The following GALNT13 variants were observed in gnomAD, a reference collection of about 807,000 sequenced individuals.
GALNT13 encodes the protein polypeptide N-acetylgalactosaminyltransferase 13.
In GALNT13, 28 loss-of-function variants were observed where a neutral mutation model predicts 64.2. The observed-to-expected ratio is 0.44, with a 90% CI of 0.32 to 0.60. The LOEUF (loss-of-function observed/expected upper bound fraction) is 0.60, where lower values mean the gene tolerates loss of function less well. Among genes scored for constraint, GALNT13 ranks in the 20% least tolerant of loss-of-function variants. The probability of loss-of-function intolerance (pLI) is 0.05; values close to 1 mark genes in which losing one functional copy is unlikely to be tolerated. For missense variants in GALNT13, 577 were observed against 669.8 expected, an observed-to-expected ratio of 0.86 and a Z score of 1.53; for synonymous variants, 214 against 224.6, an observed-to-expected ratio of 0.95 and a Z score of 0.42.
chr2:153,953,231 A>G (rs1000837125), intron 3 of GALNT13, among the ~76,000 whole-genome samples: 8 of 152,174 alleles, frequency 5.3e-5, no homozygotes, highest in African/African-American at 1.2e-4. Flanking sequence ...TGACATATGC[A>G]TAGGAAATGA....
At chr2:153,898,090 T>A (rs1035447029) in intron 1 of GALNT13, among the ~76,000 whole-genome samples, 4 of 152,150 alleles carry the variant, frequency 2.6e-5, no homozygotes, top group African/African-American at 9.6e-5. Flanking sequence ...CTTTACCTTT[T>A]TCACAGTTTT....
At chr2:153,432,789 T>C in the GALNT13 span, among the ~76,000 whole-genome samples, 6 of 152,132 alleles carry the variant, frequency 3.9e-5, no homozygotes, top group Non-Finnish European at 7.4e-5. Flanking sequence ...GAAGATTTAA[T>C]CAACATTATG....
intron 3 of GALNT13, among the ~76,000 whole-genome samples, chr2:154,079,831 C>T (rs1701180039): frequency 1.3e-5 from 2 of 151,610 alleles, no homozygotes; most frequent in Admixed American, 1.3e-4. Context: ...TAATAATCAT[C>T]ATCGAACATA....
the GALNT13 span, among the ~76,000 whole-genome samples, chr2:153,266,477 T>C: frequency 6.6e-6 from 1 of 152,152 alleles, no homozygotes; most frequent in Non-Finnish European, 1.5e-5. Context: ...AAAGGTTTAA[T>C]TGACTCACAG....
At chr2:153,893,638 A>C (rs1478336396) in intron 1 of GALNT13, among the ~76,000 whole-genome samples, 2 of 152,012 alleles carry the variant, frequency 1.3e-5, no homozygotes, top group Non-Finnish European at 1.5e-5. Context: ...TTATTTTAGA[A>C]ATTATTGATA....
At chr2:153,212,820 T>G in the GALNT13 span, among the ~76,000 whole-genome samples, 1 of 152,234 alleles carries the variant, frequency 6.6e-6, no homozygotes, top group Non-Finnish European at 1.5e-5. Flanking sequence ...TTCATTTATT[T>G]ATTTAGATAG....
intron 9 of GALNT13, among the ~76,000 whole-genome samples, chr2:154,325,588 A>C (rs1395836976): frequency 1.3e-5 from 2 of 151,950 alleles, no homozygotes; most frequent in Non-Finnish European, 2.9e-5. Flanking sequence ...TTTTTCTTTT[A>C]ACCTTTTTTC....
chr2:153,701,838 T>C, the GALNT13 span, among the ~76,000 whole-genome samples: 148 of 152,264 alleles, frequency 9.7e-4, no homozygotes, highest in African/African-American at 3.5e-3. Flanking sequence ...CAAAAGATGC[T>C]GGTGAGGTTG....
chr2:153,221,299 C>T, the GALNT13 span, among the ~76,000 whole-genome samples: 1 of 152,048 alleles, frequency 6.6e-6, no homozygotes, highest in Non-Finnish European at 1.5e-5. Context: ...TACATGCATA[C>T]GTACACACCC....
At chr2:153,495,674 T>G in the GALNT13 span, among the ~76,000 whole-genome samples, 5 of 152,250 alleles carry the variant, frequency 3.3e-5, no homozygotes, top group African/African-American at 4.8e-5. Flanking sequence ...TATTTTGTTT[T>G]GTAGATATAA....
chr2:154,350,342 G>C (rs1479906136), intron 9 of GALNT13, among the ~76,000 whole-genome samples: 1 of 152,170 alleles, frequency 6.6e-6, no homozygotes, highest in Admixed American at 6.5e-5. Flanking sequence ...AGAAGAACGT[G>C]GAAGGACTAG....
chr2:153,158,369 A>T, the GALNT13 span, among the ~76,000 whole-genome samples: 27 of 152,174 alleles, frequency 1.8e-4, no homozygotes, highest in African/African-American at 6.5e-4. Flanking sequence ...AGTTAAAATT[A>T]TTTTTCTAAT....
chr2:153,731,140 C>A, the GALNT13 span, among the ~76,000 whole-genome samples: 13 of 151,520 alleles, frequency 8.6e-5, no homozygotes, highest in East Asian at 1.9e-3. Context: ...ATATGTGTGT[C>A]ATTTATATTT....
chr2:154,092,992 T>C (rs1701894107), intron 3 of GALNT13, among the ~76,000 whole-genome samples: 1 of 152,006 alleles, frequency 6.6e-6, no homozygotes, highest in East Asian at 1.9e-4. Context: ...GCACAACACG[T>C]CTACTTTGAA....
chr2:154,389,563 G>T (rs1698681312), intron 9 of GALNT13, among the ~76,000 whole-genome samples: 1 of 152,156 alleles, frequency 6.6e-6, no homozygotes, highest in African/African-American at 2.4e-5. Context: ...TTTGATTTTA[G>T]AGAGACAGAA....
At chr2:153,726,828 T>A in the GALNT13 span, among the ~76,000 whole-genome samples, 1 of 150,962 alleles carries the variant, frequency 6.6e-6, no homozygotes, top group African/African-American at 2.4e-5. Flanking sequence ...TAGTCCCAGC[T>A]ACTCAGGAGG....
chr2:153,103,494 T>G, the GALNT13 span, among the ~76,000 whole-genome samples: 1 of 152,206 alleles, frequency 6.6e-6, no homozygotes, highest in Non-Finnish European at 1.5e-5. Context: ...AGAGGGTACA[T>G]TTTTCTCTAG....
the GALNT13 span, among the ~76,000 whole-genome samples, chr2:153,539,168 T>G: frequency 3.3e-5 from 5 of 151,458 alleles, no homozygotes; most frequent in East Asian, 9.8e-4. Context: ...TTCCATGTGT[T>G]TTTTGGCTGC....
chr2:153,713,111 C>A, the GALNT13 span, among the ~76,000 whole-genome samples: 1 of 151,952 alleles, frequency 6.6e-6, no homozygotes, highest in Non-Finnish European at 1.5e-5. Flanking sequence ...ATGGCAGATA[C>A]GGAATTTAAA....
Sources: allele counts gnomAD v4.1 joint callset (sites outside exome capture counted in the v4.1 genomes callset), GRCh38; gene constraint gnomAD v4.1.1; transcripts MANE v1.5; gene names NCBI Gene and HGNC (gene_info 2026-07-23, HGNC 2026-07-21).